The following KATNA1 variants were observed in gnomAD, a reference collection of about 807,000 sequenced individuals.
The protein encoded by KATNA1 is katanin catalytic subunit A1.
In KATNA1, 42 loss-of-function variants were observed where a neutral mutation model predicts 62.6. That is an observed-to-expected ratio of 0.67 (90% CI 0.52 to 0.87). The LOEUF (loss-of-function observed/expected upper bound fraction) is 0.87. KATNA1 is among the 40% of genes least tolerant of loss of function. The pLI, the probability that KATNA1 is intolerant of heterozygous loss-of-function variation, is 0.00. For synonymous variants in KATNA1, 186 were observed against 201.9 expected, an observed-to-expected ratio of 0.92 and a Z score of 0.67; for missense variants, 498 against 612.5, an observed-to-expected ratio of 0.81 and a Z score of 1.97.
chr6:149,597,675 A>G, intron 8 of KATNA1, 34 bp from the exon 9 acceptor site: 2 of 1,587,390 alleles, frequency 1.3e-6, no homozygotes, highest in Non-Finnish European at 1.7e-6. Context: ...TGAAAAAGAT[A>G]TTAAGTTGGA....
At chr6:149,628,417 C>T (rs1160055462) in intron 3 of KATNA1, among the ~76,000 whole-genome samples, 2 of 151,834 alleles carry the variant, frequency 1.3e-5, no homozygotes, top group Admixed American at 6.6e-5. Flanking sequence ...CCTGTACTCA[C>T]ATTTTTTGTG....
intron 4 of KATNA1, among the ~76,000 whole-genome samples, chr6:149,619,431 G>T (rs548781517): frequency 3.8e-4 from 58 of 152,194 alleles, no homozygotes; most frequent in African/African-American, 1.2e-3. Context: ...TGGGCAACAT[G>T]GTGAAACCCC....
intron 7 of KATNA1, among the ~76,000 whole-genome samples, chr6:149,601,160 T>A (rs1360078498): frequency 6.6e-6 from 1 of 152,198 alleles, no homozygotes; most frequent in East Asian, 1.9e-4. Context: ...AGAAAGAACC[T>A]AATCCAAAGA....
At chr6:149,638,277 G>T in intron 2 of KATNA1, 109 bp downstream of exon 2, 1 of 1,032,794 alleles carries the variant, frequency 9.7e-7, no homozygotes, top group Non-Finnish European at 1.4e-6. Flanking sequence ...TACTGTGCTC[G>T]GTAGTCATAC....
rs1037022230 is a variant in KATNA1, at chr6:149,638,535, T to A, written c.13A>T (p.Met5Leu). The A allele has an allele frequency of 1.1e-5, 17 of 1,612,464 alleles. No individual in the cohort carries two copies. The highest frequency in any genetic ancestry group is 1.4e-5 in the Non-Finnish European group (17 of 1,179,214). Reference protein sequence around the residue: MSLLMISENVKLARE... With the variant: MSLLLISENVKLARE... ...GCCAATTTTACATTCTCACTAATCA[T>A]AAGAAGACTCATGTTCAACTGTAAG... The change falls in exon 2 of 11, where the codon ATG (methionine) becomes TTG (leucine). Residue 5 changes from methionine (M) to leucine (L), a missense_variant. This residue lies in a region of KATNA1 where 28 missense variants were observed against 41.6 expected (regional missense o/e 0.67). Transcript: ENST00000367411.
intron 3 of KATNA1, among the ~76,000 whole-genome samples, chr6:149,623,870 T>C (rs1779505071): frequency 6.6e-6 from 1 of 152,206 alleles, no homozygotes; most frequent in Non-Finnish European, 1.5e-5. Flanking sequence ...AAGGAAATTG[T>C]TGTATATCAA....
intron 1 of KATNA1, among the ~76,000 whole-genome samples, chr6:149,644,001 A>C (rs1254011656): frequency 6.6e-6 from 1 of 151,714 alleles, no homozygotes; most frequent in African/African-American, 2.4e-5. Context: ...TTTTTGTTGT[A>C]ACTACCAAGA....
intron 1 of KATNA1, among the ~76,000 whole-genome samples, chr6:149,644,680 G>T (rs1420354580): frequency 6.6e-6 from 1 of 152,026 alleles, no homozygotes; most frequent in Non-Finnish European, 1.5e-5. Context: ...CTTATATATA[G>T]GTGGTCCTCG....
intron 1 of KATNA1, among the ~76,000 whole-genome samples, chr6:149,644,494 C>T (rs1780407075): frequency 6.6e-6 from 1 of 151,930 alleles, no homozygotes; most frequent in Non-Finnish European, 1.5e-5. Context: ...TGACAGGGCA[C>T]ACCTGTAGTC....
intron 1 of KATNA1, among the ~76,000 whole-genome samples, chr6:149,648,150 G>A (rs1463329055): frequency 2.0e-5 from 3 of 152,140 alleles, no homozygotes; most frequent in Admixed American, 6.5e-5. Context: ...GGGGGCGTGA[G>A]CGGGTTCTGG....
rs748877698 is a variant in KATNA1 at position 149,597,043 on chromosome 6, G to T, written c.1277+20C>A. On this transcript the variant is annotated intron_variant, in intron 10 of 10. Transcript: ENST00000367411. ...GAAGTTTATGCTTACAAAAACCTAT[G>T]CTTCCATGATAATTCATACCTGCAC... 2.5e-6 allele frequency: 4 copies of T among 1,607,470 alleles called. No homozygotes were observed. The highest frequency in any genetic ancestry group is 2.7e-5 in the African/African-American group (2 of 74,386).
Position 149,623,185 on chromosome 6 carries a change from G to T in KATNA1, c.419C>A (p.Ser140Tyr), listed in dbSNP as rs1210829271. ...PSTTVRVHRS[S>Y]AQNVHNDRGK... Reference sequence around the variant, plus strand: ...TCTGTCATTGTGAACATTCTGTGCAGATGAACGGTGAACTCTGACAGTTGT... The same window carrying T: ...TCTGTCATTGTGAACATTCTGTGCATATGAACGGTGAACTCTGACAGTTGT... Residue 140 changes from serine to tyrosine, a missense_variant, in exon 4 of 11, where the codon TCT becomes TAT. By Grantham distance (144) the Ser-to-Tyr change is moderately radical (BLOSUM62 -2). Around this residue, in one of 3 missense-constraint regions of KATNA1, gnomAD observed 203 missense variants for 198.4 expected, o/e 1.02. Transcript: ENST00000367411. 2 of 1,613,522 alleles carry T rather than the reference G, an allele frequency of 1.2e-6. No homozygotes were observed. Among genetic ancestry groups the T allele is most frequent in the Non-Finnish European group, 1.7e-6 (2 of 1,179,560 alleles).
At chr6:149,636,471 A>AT (rs77680487) in intron 2 of KATNA1, among the ~76,000 whole-genome samples, 68,350 of 151,848 alleles carry the variant, frequency 0.45, 16,479 homozygotes, top group East Asian at 0.81. Context: ...AATTACATGG[A>AT]TATGGTAAAG....
intron 1 of KATNA1, among the ~76,000 whole-genome samples, chr6:149,640,798 C>T (rs565270437): frequency 2.0e-5 from 3 of 152,176 alleles, no homozygotes; most frequent in Non-Finnish European, 2.9e-5. Flanking sequence ...CCGCCCGCCT[C>T]GGCCTCCCAA....
chr6:149,628,258 C>T (rs1056279945), intron 3 of KATNA1, among the ~76,000 whole-genome samples: 1 of 142,506 alleles, frequency 7.0e-6, no homozygotes, highest in African/African-American at 2.6e-5. Flanking sequence ...TCACCATGCC[C>T]GGCTAATTTT....
chr6:149,615,132 CAAAAAA>C (rs893824279), intron 4 of KATNA1, among the ~76,000 whole-genome samples: 1 of 45,644 alleles, frequency 2.2e-5, no homozygotes, highest in Admixed American at 2.6e-4. Context: ...GACTCTGTCT[CAAAAAA>C]AAAAAAAAAA....
intron 4 of KATNA1, among the ~76,000 whole-genome samples, chr6:149,621,521 C>T (rs1779394826): frequency 6.7e-6 from 1 of 150,062 alleles, no homozygotes; most frequent in African/African-American, 2.5e-5. Context: ...GAGACTGAGT[C>T]TCGCTCTGTT....
chr6:149,629,941 G>T (rs1779766819), intron 3 of KATNA1, among the ~76,000 whole-genome samples: 1 of 152,200 alleles, frequency 6.6e-6, no homozygotes, highest in African/African-American at 2.4e-5. Context: ...TTCTAAGGTG[G>T]TTTTGAGAAT....
At chr6:149,610,127 C>A (rs1223868714) in intron 4 of KATNA1, among the ~76,000 whole-genome samples, 3 of 146,666 alleles carry the variant, frequency 2.0e-5, no homozygotes, top group Non-Finnish European at 3.0e-5. Context: ...AAAATCCTGT[C>A]TCTACAAAAT....
Sources: gnomAD v4.1 joint callset for allele counts (sites outside exome capture counted in the v4.1 genomes callset) on GRCh38, gnomAD v4.1.1 for gene constraint, gnomAD v4.1.1 regional missense constraint, MANE v1.5 for transcripts, NCBI Gene and HGNC (gene_info 2026-07-23, HGNC 2026-07-21) for gene names.